Variants in GLB1 observed in about 807,000 individuals in gnomAD.
GLB1 encodes beta-galactosidase.
In GLB1, 56 loss-of-function variants were observed where a neutral mutation model predicts 74.0. The observed-to-expected ratio is 0.76, with a 90% confidence interval of 0.61 to 0.94. GLB1 has a LOEUF of 0.94. Among genes scored for constraint, GLB1 ranks in the 40% least tolerant of loss-of-function variants. The pLI, the probability that GLB1 is intolerant of heterozygous loss-of-function variation, is 0.00. For missense variants in GLB1, 787 were observed against 845.5 expected, an observed-to-expected ratio of 0.93 and a Z score of 0.86; for synonymous variants, 323 against 323.6, an observed-to-expected ratio of 1.00 and a Z score of 0.02.
intron 15 of GLB1, among the ~76,000 whole-genome samples, chr3:33,000,605 T>C (rs557377238): frequency 6.6e-6 from 1 of 152,122 alleles, no homozygotes; most frequent in Non-Finnish European, 1.5e-5. Context: ...TGGGTGCCTG[T>C]AATCCCAGCT....
At chr3:33,000,216 C>A (rs1230805483) in intron 15 of GLB1, among the ~76,000 whole-genome samples, 1 of 152,144 alleles carries the variant, frequency 6.6e-6, no homozygotes, top group Non-Finnish European at 1.5e-5. Context: ...GCTGGGATTA[C>A]AGGCATGAGC....
the GLB1 span, among the ~76,000 whole-genome samples, chr3:32,967,592 G>C: frequency 5.9e-5 from 9 of 152,310 alleles, no homozygotes; most frequent in East Asian, 1.7e-3. Flanking sequence ...CAGTCCTTTG[G>C]ATGTTAATCT....
At chr3:33,058,931 G>C (rs151002712) in intron 5 of GLB1, among the ~76,000 whole-genome samples, 54 of 152,134 alleles carry the variant, frequency 3.5e-4, no homozygotes, top group African/African-American at 9.2e-4. Context: ...CAATAACATC[G>C]GTGGTTCTCA....
chr3:32,997,426 G>T lies in GLB1; in HGVS notation c.1735-82C>A, dbSNP rs1696357121. On this transcript the variant is annotated intron_variant, in intron 15 of 15. Transcript: ENST00000307363. Reference sequence around the variant, plus strand: ...AGGTGGGGGCCCTGATGTAGGGCAGGCCAGCAGCAATGGAGGAAAGAAATG... The same window carrying T: ...AGGTGGGGGCCCTGATGTAGGGCAGTCCAGCAGCAATGGAGGAAAGAAATG... 5.0e-6 allele frequency: 8 copies of T among 1,584,384 alleles called. No homozygotes were observed. In the South Asian group the frequency reaches 7.9e-5, roughly 16 times the overall value.
intron 9 of GLB1, among the ~76,000 whole-genome samples, chr3:33,047,084 C>T (rs1030514452): frequency 2.0e-5 from 3 of 152,234 alleles, no homozygotes; most frequent in African/African-American, 7.2e-5. Context: ...CATAGCCCCA[C>T]TTCTCCCTCT....
intron 1 of GLB1, among the ~76,000 whole-genome samples, chr3:33,094,613 C>T (rs183106726): frequency 6.6e-6 from 1 of 152,314 alleles, no homozygotes; most frequent in South Asian, 2.1e-4. Flanking sequence ...CTTCAGGGGT[C>T]CAATTAGTCA....
At chr3:33,059,879 A>G (rs755108286) in intron 5 of GLB1, among the ~76,000 whole-genome samples, 2 of 152,262 alleles carry the variant, frequency 1.3e-5, no homozygotes, top group African/African-American at 2.4e-5. Context: ...CTGGGAATAC[A>G]TGATCTTTAA....
At position 33,072,538 on chromosome 3, in the gene GLB1, A is replaced by G. The variant is rs1360692927; in HGVS notation, c.245+6T>C. ...CTAGGTGAGAGCCACATGCCCTCCT[A>G]CTTACGTCTGGATGGCGTTCAGCCC... On this transcript the variant is annotated splice_donor_region_variant and intron_variant, in intron 2 of 15. Transcript: ENST00000307363. 2 of 1,612,826 alleles carry G rather than the reference A, an allele frequency of 1.2e-6. No homozygotes were observed. Among genetic ancestry groups the G allele is most frequent in the Non-Finnish European group, 1.7e-6 (2 of 1,179,978 alleles).
In GLB1 at chr3:33,051,765, A is replaced by G. The variant is rs754967848; in HGVS notation, c.948T>C (p.Tyr316=). 9 of 1,614,096 alleles carry G rather than the reference A, an allele frequency of 5.6e-6. No individual in the cohort carries two copies. In the East Asian group the frequency reaches 8.9e-5, roughly 16 times the overall value. The change falls in exon 9 of 16, where the codon TAT becomes TAC. Residue 316 remains tyrosine (Y), a synonymous_variant. Transcript: ENST00000307363. ...ATATTAAAGTGCTCTTACCATTCCA[A>G]TAGGCAAAATTGGTCCCACCTATAA... ...YMFIGGTNFA[Y]WNGANSPYAA...
At chr3:33,055,780 T>A (rs1173657697) in intron 6 of GLB1, among the ~76,000 whole-genome samples, 2 of 151,300 alleles carry the variant, frequency 1.3e-5, no homozygotes, top group East Asian at 1.9e-4. Context: ...TTTTTTTTTT[T>A]AAAAGGCAAA....
intron 15 of GLB1, among the ~76,000 whole-genome samples, chr3:33,001,410 T>G (rs1696563656): frequency 6.6e-6 from 1 of 152,114 alleles, no homozygotes; most frequent in Non-Finnish European, 1.5e-5. Context: ...TAGTTTTGCT[T>G]GGGCATCAGC....
At chr3:33,007,055 G>A (rs1474023539) in intron 15 of GLB1, among the ~76,000 whole-genome samples, 1 of 152,196 alleles carries the variant, frequency 6.6e-6, no homozygotes, top group African/African-American at 2.4e-5. Flanking sequence ...TCATTTAGAA[G>A]CCCCAGAGCT....
chr3:33,068,147 A>AG, intron 4 of GLB1, 83 bp downstream of exon 4: 3 of 1,599,762 alleles, frequency 1.9e-6, no homozygotes, highest in Non-Finnish European at 2.6e-6. Flanking sequence ...TCAGCCTCCC[A>AG]AAGTGTCAGG....
At chr3:32,990,953 G>A in the GLB1 span, among the ~76,000 whole-genome samples, 107 of 152,100 alleles carry the variant, frequency 7.0e-4, 2 homozygotes, top group African/African-American at 2.5e-3. Context: ...CAGCCTGGGC[G>A]ACAGAGTGAG....
chr3:33,088,118 C>A (rs1451040885), intron 1 of GLB1, among the ~76,000 whole-genome samples: 2 of 152,082 alleles, frequency 1.3e-5, no homozygotes, highest in East Asian at 3.9e-4. Context: ...ACTACCTCCA[C>A]ATCATAAAGC....
intron 1 of GLB1, among the ~76,000 whole-genome samples, chr3:33,087,739 A>C (rs951078356): frequency 1.3e-5 from 2 of 152,196 alleles, no homozygotes; most frequent in Non-Finnish European, 2.9e-5. Context: ...GAAGAGGAGG[A>C]ACATTTCTAA....
the GLB1 span, among the ~76,000 whole-genome samples, chr3:32,990,671 C>G: frequency 6.6e-6 from 1 of 152,156 alleles, no homozygotes; most frequent in Non-Finnish European, 1.5e-5. Context: ...CCAAAGCACT[C>G]TGGTAAAAAG....
intron 9 of GLB1, among the ~76,000 whole-genome samples, chr3:33,047,705 TA>T (rs1050852759): frequency 2.6e-5 from 4 of 152,222 alleles, no homozygotes; most frequent in Non-Finnish European, 4.4e-5. Flanking sequence ...TTGGGTGACC[TA>T]CTGGTTGTGG....
At chr3:33,035,894 C>A (rs1184370752) in intron 10 of GLB1, among the ~76,000 whole-genome samples, 1 of 152,112 alleles carries the variant, frequency 6.6e-6, no homozygotes, top group Non-Finnish European at 1.5e-5. Flanking sequence ...TCAAAGGCAC[C>A]ATTACCTATA....
Sources: gnomAD v4.1 joint callset for allele counts (sites outside exome capture counted in the v4.1 genomes callset) on GRCh38, gnomAD v4.1.1 for gene constraint, MANE v1.5 for transcripts, NCBI Gene and HGNC (gene_info 2026-07-23, HGNC 2026-07-21) for gene names.